Variants in FAM151B observed in about 807,000 individuals in gnomAD.
The protein encoded by FAM151B is family with sequence similarity 151 member B, also known as protein FAM151B.
FAM151B carries 24 observed loss-of-function variants against 31.2 expected under a neutral mutation model. That is an observed-to-expected ratio of 0.77 (90% CI 0.56 to 1.08). The LOEUF (loss-of-function observed/expected upper bound fraction) is 1.08, where lower values mean the gene tolerates loss of function less well. Among genes scored for constraint, FAM151B ranks in the 50% least tolerant of loss-of-function variants. The pLI is 0.00. For synonymous variants in FAM151B, 105 were observed against 111.4 expected (o/e 0.94, Z 0.36); for missense variants, 293 against 328.6 (o/e 0.89, Z 0.84).
At chr5:80,519,419 T>C (rs901106000) in intron 3 of FAM151B, among the ~76,000 whole-genome samples, 1 of 152,208 alleles carries the variant, frequency 6.6e-6, no homozygotes, top group Non-Finnish European at 1.5e-5. Flanking sequence ...ATATGGAGTT[T>C]TGAAACCTCT....
chr5:80,509,100 A>G (rs1395195587), intron 2 of FAM151B, among the ~76,000 whole-genome samples: 1 of 151,998 alleles, frequency 6.6e-6, no homozygotes, highest in Non-Finnish European at 1.5e-5. Context: ...CAGCCTTCTA[A>G]GTAGCTGGGA....
chr5:80,507,694 A>C (rs1276788319), intron 2 of FAM151B, among the ~76,000 whole-genome samples: 3 of 152,186 alleles, frequency 2.0e-5, no homozygotes, highest in African/African-American at 7.2e-5. Context: ...ACAAACAAAC[A>C]AAAAACAGAT....
chr5:80,511,435 CAAAAAAAAAAAAA>C (rs57587683), intron 2 of FAM151B, among the ~76,000 whole-genome samples: 5 of 54,086 alleles, frequency 9.2e-5, no homozygotes, highest in African/African-American at 1.4e-4. Context: ...GACTCTGTCT[CAAAAAAAAAAAAA>C]AAAAAAAAAA....
At chr5:80,521,417 T>G (rs1580441437) in intron 4 of FAM151B, among the ~76,000 whole-genome samples, 1 of 152,044 alleles carries the variant, frequency 6.6e-6, no homozygotes, top group Non-Finnish European at 1.5e-5. Context: ...TAAACCACCA[T>G]GCCTGGCCCA....
intron 5 of FAM151B, among the ~76,000 whole-genome samples, chr5:80,533,474 C>T (rs186649251): frequency 5.9e-5 from 9 of 151,792 alleles, no homozygotes; most frequent in East Asian, 1.9e-4. Flanking sequence ...TCAGGCCGAG[C>T]GAGCACAGTG....
At chr5:80,523,338 T>A (rs780663057) in intron 5 of FAM151B, among the ~76,000 whole-genome samples, 70 of 152,230 alleles carry the variant, frequency 4.6e-4, no homozygotes, top group Non-Finnish European at 8.7e-4. Context: ...CCAGAAAAAG[T>A]CCCAGTTTAA....
At chr5:80,533,524 A>G (rs1745343831) in intron 5 of FAM151B, among the ~76,000 whole-genome samples, 2 of 152,076 alleles carry the variant, frequency 1.3e-5, no homozygotes, top group Admixed American at 1.3e-4. Context: ...AGGCCAAGGC[A>G]GTGAATCACC....
chr5:80,499,958 C>T (rs566051567), intron 1 of FAM151B: 64 of 154,710 alleles, frequency 4.1e-4, no homozygotes, highest in Admixed American at 9.0e-4. Flanking sequence ...CTCCCATGTT[C>T]ATTGCAGCAT....
chr5:80,502,884 G>A (rs565897298), intron 2 of FAM151B, among the ~76,000 whole-genome samples: 7 of 152,106 alleles, frequency 4.6e-5, no homozygotes, highest in Admixed American at 2.0e-4. Flanking sequence ...GAAACAGTGC[G>A]TAGCATATAA....
chr5:80,519,674 C>A lies in FAM151B; in HGVS notation c.318-19C>A. On this transcript the variant is annotated intron_variant, in intron 3 of 5. Coordinates refer to ENST00000282226, the MANE Select transcript of FAM151B (RefSeq NM_205548.3). Reference sequence around the variant, plus strand: ...TTACCTAAAGAATCTATCTCATTGACAACAAATTATGTTTTTAGTCTGGCA... The same window carrying A: ...TTACCTAAAGAATCTATCTCATTGAAAACAAATTATGTTTTTAGTCTGGCA... 1 of 1,606,006 alleles carries A rather than the reference C, an allele frequency of 6.2e-7. No individual in the cohort carries two copies. Among genetic ancestry groups the A allele is most frequent in the East Asian group, 2.2e-5 (1 of 44,768 alleles).
chr5:80,539,933 T>G (rs553578882), intron 5 of FAM151B, among the ~76,000 whole-genome samples: 1 of 152,248 alleles, frequency 6.6e-6, no homozygotes, highest in Admixed American at 6.5e-5. Context: ...GTCCATTATT[T>G]CTCTATACAT....
At chr5:80,519,608 A>C in intron 3 of FAM151B, 85 bp from the exon 4 acceptor site, 1 of 1,078,740 alleles carries the variant, frequency 9.3e-7, no homozygotes. Context: ...TATGAATTTG[A>C]GAACATTGAG....
At chr5:80,525,325 C>T (rs1255237906) in intron 5 of FAM151B, among the ~76,000 whole-genome samples, 1 of 152,162 alleles carries the variant, frequency 6.6e-6, no homozygotes, top group Non-Finnish European at 1.5e-5. Flanking sequence ...GACACTATCA[C>T]AATATTTCTG....
intron 5 of FAM151B, among the ~76,000 whole-genome samples, chr5:80,538,132 A>G (rs868459932): frequency 8.7e-5 from 13 of 149,168 alleles, no homozygotes; most frequent in African/African-American, 3.0e-4. Flanking sequence ...CAGTGGCGCG[A>G]TTTCGGGTCA....
At chr5:80,510,331 C>T (rs1000067837) in intron 2 of FAM151B, among the ~76,000 whole-genome samples, 2 of 152,318 alleles carry the variant, frequency 1.3e-5, no homozygotes, top group Middle Eastern at 3.4e-3. Context: ...TTCTCCTCCA[C>T]GTGGCTTCTC....
In FAM151B at chr5:80,519,670, T is replaced by C. The variant is rs767091970; in HGVS notation, c.318-23T>C. 5 of 1,604,346 alleles carry C rather than the reference T, an allele frequency of 3.1e-6. No homozygotes were observed. In the South Asian group the frequency reaches 5.6e-5, roughly 18 times the overall value. On this transcript the variant is annotated intron_variant, in intron 3 of 5. Transcript: ENST00000282226. ...TACTTTACCTAAAGAATCTATCTCA[T>C]TGACAACAAATTATGTTTTTAGTCT... is the stretch of plus-strand genomic sequence containing the variant.
chr5:80,495,830 CAAAAAAAAAAA>C (rs3072031), intron 1 of FAM151B, among the ~76,000 whole-genome samples: 2 of 88,104 alleles, frequency 2.3e-5, no homozygotes, highest in African/African-American at 9.3e-5. Flanking sequence ...GACTCCGTCT[CAAAAAAAAAAA>C]AAAAAAAAAA....
At chr5:80,531,251 G>C (rs1368754282) in intron 5 of FAM151B, among the ~76,000 whole-genome samples, 1 of 152,156 alleles carries the variant, frequency 6.6e-6, no homozygotes, top group Non-Finnish European at 1.5e-5. Context: ...ATGGATTAAA[G>C]ACTTAAATAT....
chr5:80,511,528 T>C (rs1180123226), intron 2 of FAM151B, among the ~76,000 whole-genome samples: 1 of 151,938 alleles, frequency 6.6e-6, no homozygotes, highest in Non-Finnish European at 1.5e-5. Context: ...ACTTGTGCGA[T>C]TACCTGTCAT....
Sources: allele counts gnomAD v4.1 joint callset (sites outside exome capture counted in the v4.1 genomes callset), GRCh38; gene constraint gnomAD v4.1.1; transcripts MANE v1.5; gene names NCBI Gene and HGNC (gene_info 2026-07-23, HGNC 2026-07-21).